Variants in ITSN1 observed in about 807,000 individuals in gnomAD.
The protein encoded by ITSN1 is intersectin 1.
A neutral mutation model predicts 239.8 loss-of-function variants in ITSN1; 58 were observed. The ratio of observed to expected loss-of-function variants is 0.24; its 90% confidence interval spans 0.20 to 0.30. The LOEUF is 0.30. Among genes scored for constraint, ITSN1 ranks in the 10% least tolerant of loss-of-function variants. The pLI is 1.00. For missense variants in ITSN1, 1,558 were observed against 2,103.3 expected (o/e 0.74, Z 5.07); for synonymous variants, 780 against 770.8 (o/e 1.01, Z -0.20).
At chr21:33,693,352 G>GT (rs200637221) in intron 1 of ITSN1, among the ~76,000 whole-genome samples, 52 of 149,230 alleles carry the variant, frequency 3.5e-4, no homozygotes, top group East Asian at 1.8e-3. Flanking sequence ...GTTTTGTTTT[G>GT]TTTTTTTTGG....
intron 14 of ITSN1, among the ~76,000 whole-genome samples, chr21:33,779,362 T>TATA (rs2069955073): frequency 1.3e-5 from 2 of 152,382 alleles, no homozygotes; most frequent in African/African-American, 4.8e-5. Flanking sequence ...AAATTTTTAA[T>TATA]ATGTTGCATT....
intron 36 of ITSN1, 70 bp from the exon 37 acceptor site, chr21:33,884,971 G>A: frequency 9.2e-7 from 1 of 1,088,822 alleles, no homozygotes; most frequent in East Asian, 2.4e-5. Context: ...CCTGGCAACA[G>A]TGTTTGAACA....
chr21:33,889,638 A>G lies in ITSN1; in HGVS notation c.*1338A>G, dbSNP rs1986223051. The G allele has an allele frequency of 2.6e-5, 4 of 152,046 alleles. No homozygotes were observed. The highest frequency in any genetic ancestry group is 2.6e-4 in the Admixed American group (4 of 15,268). The allele number at this position is 152,046 out of a possible 1,614,324, so 9.4% of individuals were successfully genotyped here. A position where few individuals can be genotyped will look rare whatever the true frequency, so the allele number is the denominator to read the frequency against. On this transcript the variant is annotated 3_prime_UTR_variant, in exon 40 of 40. Transcript: ENST00000381318. ...TGCATGTTAATATTCTCATAATCCTAGTTTGTTGTGGTCATGAAATGTCCT... is the reference window on the plus strand; with the variant it reads ...TGCATGTTAATATTCTCATAATCCTGGTTTGTTGTGGTCATGAAATGTCCT...
At chr21:33,879,929 C>G (rs1299358902) in intron 34 of ITSN1, among the ~76,000 whole-genome samples, 3 of 152,250 alleles carry the variant, frequency 2.0e-5, no homozygotes, top group East Asian at 1.9e-4. Context: ...ATCTGCCCAC[C>G]TCGGCCTCCC....
At chr21:33,700,865 G>T (rs1243033079) in intron 1 of ITSN1, among the ~76,000 whole-genome samples, 1 of 152,026 alleles carries the variant, frequency 6.6e-6, no homozygotes, top group African/African-American at 2.4e-5. Flanking sequence ...AGGTCATTAA[G>T]CCTAGATTAG....
intron 4 of ITSN1, among the ~76,000 whole-genome samples, chr21:33,723,342 C>T (rs956806304): frequency 1.4e-4 from 21 of 152,238 alleles, no homozygotes; most frequent in African/African-American, 5.1e-4. Flanking sequence ...AGGCTGGGCG[C>T]GGTGGCTCAT....
chr21:33,720,757 A>G (rs1164730960), intron 2 of ITSN1, among the ~76,000 whole-genome samples: 1 of 152,184 alleles, frequency 6.6e-6, no homozygotes, highest in Non-Finnish European at 1.5e-5. Context: ...AAAGATTTTC[A>G]TGGATATTTA....
At chr21:33,712,017 T>G (rs1407002615) in intron 1 of ITSN1, among the ~76,000 whole-genome samples, 3 of 152,222 alleles carry the variant, frequency 2.0e-5, no homozygotes, top group Non-Finnish European at 4.4e-5. Context: ...TCTAAAATTT[T>G]CATTTGATTC....
chr21:33,810,966 T>G lies in ITSN1; in HGVS notation c.2320-9T>G. On this transcript the variant is annotated splice_polypyrimidine_tract_variant and intron_variant, in intron 20 of 39. Transcript: ENST00000381318. Reference sequence around the variant, plus strand: ...TTAGTTCTACTTAAAGCTGTGACTTTTTCCACAGGTGGATGAAAGCCAAAC... The same window carrying G: ...TTAGTTCTACTTAAAGCTGTGACTTGTTCCACAGGTGGATGAAAGCCAAAC... 1 of 1,614,214 alleles carries G rather than the reference T, an allele frequency of 6.2e-7. No homozygotes were observed. The highest frequency in any genetic ancestry group is 8.5e-7 in the Non-Finnish European group (1 of 1,180,026).
intron 29 of ITSN1, 84 bp from the exon 30 acceptor site, chr21:33,856,652 C>A: frequency 6.3e-7 from 1 of 1,592,592 alleles, no homozygotes; most frequent in Non-Finnish European, 8.6e-7. Flanking sequence ...CCTCAGGACC[C>A]AGCAGCCACG....
Position 33,814,092 on chromosome 21 carries a change from G to A in ITSN1, c.2727+20G>A, listed in dbSNP as rs1243166775. ...GGCCAGGTAAAGGCAGCCAGTGAGA[G>A]TGTGAAGACTTAGCATGCTATCTAG... On this transcript the variant is annotated intron_variant, in intron 22 of 39. Transcript: ENST00000381318. The A allele has an allele frequency of 1.2e-6, 2 of 1,611,798 alleles. No individual in the cohort carries two copies. The highest frequency in any genetic ancestry group is 1.7e-5 in the Admixed American group (1 of 59,564).
In ITSN1 at chr21:33,665,843, A is replaced by T. The variant is rs187582411; in HGVS notation, c.-33+23130A>T. Among the ~76,000 whole-genome samples the T allele has an allele frequency of 2.6e-5, 4 of 152,362 alleles. No homozygotes were observed. The East Asian group carries it at 7.7e-4, about 29-fold the overall frequency. On this transcript the variant is annotated intron_variant, in intron 1 of 39. Coordinates refer to ENST00000381318, the MANE Select transcript of ITSN1 (RefSeq NM_003024.3). ...TGGTACAGTATAAACGTACCTTGAA[A>T]GCATGTAGAATAAACATGAAAACAT...
At chr21:33,883,450 T>C (rs1048134161) in intron 35 of ITSN1, 100 bp from the exon 36 acceptor site, 8 of 1,518,620 alleles carry the variant, frequency 5.3e-6, no homozygotes, top group Non-Finnish European at 7.2e-6. Flanking sequence ...CAGTCTCGTT[T>C]ACTAGAACAC....
In ITSN1 at chr21:33,707,726, A is replaced by C. The variant is rs114458873; in HGVS notation, c.-32-11071A>C. ...TCACGCATGTTGTTGCCTGTGTAAC[A>C]GTTGGTTACTTTTTATTGCCAAGTA... On this transcript the variant is annotated intron_variant, in intron 1 of 39. Transcript: ENST00000381318. Among the ~76,000 whole-genome samples the C allele has an allele frequency of 7.5e-3, 1,140 of 152,268 alleles. 10 individuals carry two copies. Among genetic ancestry groups the C allele is most frequent in the African/African-American group, 0.026 (1,079 of 41,560 alleles).
intron 20 of ITSN1, among the ~76,000 whole-genome samples, chr21:33,810,288 G>A (rs970136888): frequency 6.6e-6 from 1 of 152,200 alleles, no homozygotes; most frequent in Admixed American, 6.5e-5. Flanking sequence ...TTTTTAAACA[G>A]TATAATCCTG....
chr21:33,773,183 T>G (rs2147797777), intron 12 of ITSN1, among the ~76,000 whole-genome samples: 1 of 152,090 alleles, frequency 6.6e-6, no homozygotes, highest in Non-Finnish European at 1.5e-5. Flanking sequence ...ATATTTTGTA[T>G]TTTTAGTAGA....
At position 33,888,364 on chromosome 21, in the gene ITSN1, T is replaced by A. The variant is rs993524811; in HGVS notation, c.*64T>A. 2.0e-6 allele frequency: 3 copies of A among 1,478,032 alleles called. No individual in the cohort carries two copies. In the South Asian group the frequency reaches 3.8e-5, roughly 19 times the overall value. The allele number at this position is 1,478,032 out of a possible 1,614,324, so 91.6% of individuals were successfully genotyped here. A position where few individuals can be genotyped will look rare whatever the true frequency, so the allele number is the denominator to read the frequency against. On this transcript the variant is annotated 3_prime_UTR_variant, in exon 40 of 40. Transcript: ENST00000381318. ...ACGGCCACACATGCTGTCTGGAAAT[T>A]GTATTCCTTTTCTAAGAAACCACCA...
chr21:33,670,892 A>G (rs1290832850), intron 1 of ITSN1, among the ~76,000 whole-genome samples: 1 of 152,226 alleles, frequency 6.6e-6, no homozygotes, highest in Non-Finnish European at 1.5e-5. Flanking sequence ...AGATGTAATG[A>G]CATGTTCTCT....
chr21:33,701,920 T>G (rs1458078406), intron 1 of ITSN1, among the ~76,000 whole-genome samples: 3 of 151,628 alleles, frequency 2.0e-5, no homozygotes, highest in African/African-American at 7.3e-5. Flanking sequence ...ATAGAAAAAT[T>G]AGCTGGGCGT....
Sources: allele counts gnomAD v4.1 joint callset (sites outside exome capture counted in the v4.1 genomes callset), GRCh38; gene constraint gnomAD v4.1.1; transcripts MANE v1.5; gene names NCBI Gene and HGNC (gene_info 2026-07-23, HGNC 2026-07-21).